MORC1: variants seen among roughly 807,000 people sequenced by gnomAD.
The protein encoded by MORC1 is MORC family CW-type zinc finger protein 1.
A neutral mutation model predicts 134.9 loss-of-function variants in MORC1; 59 were observed. That is an observed-to-expected ratio of 0.44 (90% CI 0.35 to 0.54). The LOEUF is 0.54. Ranked by LOEUF, MORC1 falls within the 20% of genes least tolerant of loss-of-function variation. The probability of loss-of-function intolerance (pLI) is 0.00; values close to 1 mark genes in which losing one functional copy is unlikely to be tolerated. For missense variants in MORC1, 947 were observed against 1,134.5 expected (o/e 0.83, Z 2.37); for synonymous variants, 395 against 391.7 (o/e 1.01, Z -0.10).
intron 8 of MORC1, among the ~76,000 whole-genome samples, chr3:109,085,267 A>G (rs533594654): frequency 5.3e-5 from 8 of 152,092 alleles, no homozygotes; most frequent in Non-Finnish European, 8.8e-5. Context: ...ATGGCATTAC[A>G]TCAAGCTAAA....
At chr3:109,047,274 G>A (rs951990144) in intron 14 of MORC1, among the ~76,000 whole-genome samples, 5 of 152,090 alleles carry the variant, frequency 3.3e-5, no homozygotes, top group Non-Finnish European at 7.4e-5. Context: ...GAGTTTTGAG[G>A]TCTTCCTTTA....
At chr3:108,975,015 CT>C (rs1478107998) in intron 24 of MORC1, among the ~76,000 whole-genome samples, 4 of 152,224 alleles carry the variant, frequency 2.6e-5, no homozygotes, top group Non-Finnish European at 5.9e-5. Context: ...TTCCATTTCA[CT>C]CCATAGTCAT....
intron 24 of MORC1, among the ~76,000 whole-genome samples, chr3:108,974,341 T>C (rs575807960): frequency 6.6e-6 from 1 of 152,340 alleles, no homozygotes; most frequent in Admixed American, 6.5e-5. Context: ...TAGGGTCTGA[T>C]TGTAGATGCT....
chr3:109,065,377 C>T (rs1266315998), intron 9 of MORC1, among the ~76,000 whole-genome samples: 1 of 152,140 alleles, frequency 6.6e-6, no homozygotes, highest in Non-Finnish European at 1.5e-5. Context: ...TTACTGTCCC[C>T]TCCTTCTAGA....
chr3:109,099,373 T>C lies in MORC1; in HGVS notation c.408A>G (p.Glu136=). The C allele has an allele frequency of 6.2e-7, 1 of 1,610,774 alleles. No individual in the cohort carries two copies. Among genetic ancestry groups the C allele is most frequent in the Non-Finnish European group, 8.5e-7 (1 of 1,178,770 alleles). ...CVFFSQTFCE[E]ESLSEVVVPM... The stretch of plus-strand genomic sequence containing the variant: ...CAACTCTTACCTCACTAAGACTTTC[T>C]TCTTCACAGAATGTCTGAGAAAAAA... The change falls in exon 6 of 28, where the codon GAA becomes GAG. Residue 136 remains glutamate, a synonymous_variant. Transcript: ENST00000232603.
In MORC1 at chr3:108,979,527, T is replaced by G; in HGVS notation, c.2465A>C (p.Lys822Thr). The G allele has an allele frequency of 1.2e-6, 2 of 1,613,888 alleles. No homozygotes were observed. Among genetic ancestry groups the G allele is most frequent in the Non-Finnish European group, 1.7e-6 (2 of 1,179,910 alleles). Residue 822 changes from lysine to threonine, a missense_variant, in exon 24 of 28, where the codon AAG becomes ACG. This residue lies in a region of MORC1 where 722 missense variants were observed against 817.0 expected (regional missense o/e 0.88). Transcript: ENST00000232603. Reference sequence around the variant, plus strand: ...TAAATATCTTTACCTTAACTTAGACTTCAGTTTTCTCACTGTTTCCTTGAC... The same window carrying G: ...TAAATATCTTTACCTTAACTTAGACGTCAGTTTTCTCACTGTTTCCTTGAC... Reference protein sequence around the residue: ...TPVKETVRKLKSKLREILLYF... With the variant: ...TPVKETVRKLTSKLREILLYF...
intron 21 of MORC1, 66 bp downstream of exon 21, chr3:109,000,491 C>T: frequency 2.5e-6 from 3 of 1,208,524 alleles, no homozygotes; most frequent in Non-Finnish European, 2.3e-6. Flanking sequence ...GAGACACTAA[C>T]AGATCCCTCT....
intron 21 of MORC1, among the ~76,000 whole-genome samples, chr3:108,996,550 A>C (rs1216141332): frequency 6.6e-6 from 1 of 152,216 alleles, no homozygotes; most frequent in Non-Finnish European, 1.5e-5. Context: ...TTTTCCTGGC[A>C]GTTTTTTAAT....
In MORC1 at chr3:108,984,713, C is replaced by T; in HGVS notation, c.2324+3G>A. The T allele has an allele frequency of 1.3e-6, 2 of 1,598,434 alleles. No individual in the cohort carries two copies. Among genetic ancestry groups the T allele is most frequent in the Non-Finnish European group, 8.5e-7 (1 of 1,171,340 alleles). ...GGAATTTGTATAACTGTAGTACACT[C>T]ACCTTTTCCAGCTAGGTAATGAAGA... On this transcript the variant is annotated splice_donor_region_variant and intron_variant, in intron 23 of 27. Coordinates refer to ENST00000232603, the MANE Select transcript of MORC1 (RefSeq NM_014429.4).
At chr3:108,986,632 TC>T (rs1947900776) in intron 22 of MORC1, among the ~76,000 whole-genome samples, 2 of 152,134 alleles carry the variant, frequency 1.3e-5, no homozygotes, top group Admixed American at 1.3e-4. Context: ...TATGGAAATT[TC>T]AGGCAGTGTG....
At chr3:109,107,106 C>T in intron 3 of MORC1, among the ~76,000 whole-genome samples, 1 of 152,186 alleles carries the variant, frequency 6.6e-6, no homozygotes, top group South Asian at 2.1e-4. Flanking sequence ...AGTTGCTGCA[C>T]ATAATGCCCT....
intron 26 of MORC1, among the ~76,000 whole-genome samples, chr3:108,966,591 C>G (rs1005356457): frequency 1.2e-4 from 19 of 152,070 alleles, no homozygotes; most frequent in African/African-American, 3.6e-4. Flanking sequence ...ATATAATAAA[C>G]TATTATAAGA....
In MORC1 at chr3:109,100,464, C is replaced by T. The variant is rs747172427; in HGVS notation, c.267G>A (p.Arg89=). Residue 89 remains arginine (R), a synonymous_variant, in exon 5 of 28, where the codon CGG becomes CGA. Transcript: ENST00000232603. ...GCCCTATGAACTTCAAGGTTGACAG[C>T]CGTTTTTTGGATCGTCCAAAGTAAA... is the stretch of plus-strand genomic sequence containing the variant. The part of the protein sequence containing the change: ...DIIYFGRSKK[R]LSTLKFIGQY... 1.9e-6 allele frequency: 3 copies of T among 1,613,772 alleles called. No homozygotes were observed. The highest frequency in any genetic ancestry group is 4.5e-5 in the East Asian group (2 of 44,876).
At chr3:109,105,106 G>A (rs186274873) in intron 3 of MORC1, among the ~76,000 whole-genome samples, 2 of 152,280 alleles carry the variant, frequency 1.3e-5, no homozygotes, top group African/African-American at 4.8e-5. Flanking sequence ...TTAGAGACTG[G>A]ATGTGGTAGC....
intron 23 of MORC1, among the ~76,000 whole-genome samples, chr3:108,983,321 C>CA (rs1259606388): frequency 1.3e-5 from 2 of 152,056 alleles, no homozygotes; most frequent in Admixed American, 6.6e-5. Context: ...AGTCCCTACT[C>CA]TCATGGAGTG....
chr3:108,959,103 G>A lies in MORC1; in HGVS notation c.2817C>T (p.Asp939=). 1 of 1,579,528 alleles carries A rather than the reference G, an allele frequency of 6.3e-7. No individual in the cohort carries two copies. The highest frequency in any genetic ancestry group is 8.6e-7 in the Non-Finnish European group (1 of 1,166,616). The change falls in exon 28 of 28, where the codon GAC becomes GAT. Residue 939 remains aspartate, a synonymous_variant. Transcript: ENST00000232603. ...CTAAATAAGTGTCAGTCTGCTCCAG[G>A]TCACCTTCTGGACCACCCTGGAAAA... The part of the protein sequence containing the change: ...QKLQLGGPEG[D]LEQTDTYLEA...
At chr3:109,011,007 A>G (rs1041605398) in intron 17 of MORC1, among the ~76,000 whole-genome samples, 7 of 152,218 alleles carry the variant, frequency 4.6e-5, no homozygotes, top group African/African-American at 1.4e-4. Flanking sequence ...ATTTCTCTTG[A>G]CTAATACCTA....
chr3:109,003,936 T>C (rs1457851250), intron 20 of MORC1, among the ~76,000 whole-genome samples: 4 of 152,204 alleles, frequency 2.6e-5, no homozygotes, highest in Non-Finnish European at 2.9e-5. Context: ...ATTTGCCGAA[T>C]ATATTATAAA....
chr3:109,101,745 A>C (rs1162099270), intron 4 of MORC1, among the ~76,000 whole-genome samples: 2 of 152,254 alleles, frequency 1.3e-5, no homozygotes, highest in African/African-American at 2.4e-5. Flanking sequence ...TTTAATATTT[A>C]TAACAAAACA....
Sources: allele counts gnomAD v4.1 joint callset (sites outside exome capture counted in the v4.1 genomes callset), GRCh38; gene constraint gnomAD v4.1.1; regional missense constraint gnomAD v4.1.1; transcripts MANE v1.5; gene names NCBI Gene and HGNC (gene_info 2026-07-23, HGNC 2026-07-21).